The following IQGAP1 variants were observed in gnomAD, a reference collection of about 807,000 sequenced individuals.
IQGAP1 encodes ras GTPase-activating-like protein IQGAP1.
A neutral mutation model predicts 215.6 loss-of-function variants in IQGAP1; 66 were observed. The ratio of observed to expected loss-of-function variants is 0.31; its 90% confidence interval spans 0.25 to 0.38. IQGAP1 has a LOEUF of 0.38. Among genes scored for constraint, IQGAP1 ranks in the 10% least tolerant of loss-of-function variants. The pLI, the probability that IQGAP1 is intolerant of heterozygous loss-of-function variation, is 1.00. For missense variants in IQGAP1, 1,712 were observed against 1,997.1 expected, an observed-to-expected ratio of 0.86 and a Z score of 2.72; for synonymous variants, 772 against 728.7, an observed-to-expected ratio of 1.06 and a Z score of -0.96.
intron 2 of IQGAP1, among the ~76,000 whole-genome samples, chr15:90,417,039 C>T (rs1373365263): frequency 6.6e-6 from 1 of 152,170 alleles, no homozygotes; most frequent in Non-Finnish European, 1.5e-5. Context: ...ATATCCTTCC[C>T]CTACTTTGTG....
intron 2 of IQGAP1, among the ~76,000 whole-genome samples, chr15:90,392,748 C>CTTTTTTTTTTTTTTTTTTTT (rs10701656): frequency 1.7e-5 from 2 of 117,826 alleles, no homozygotes; most frequent in Admixed American, 1.0e-4. Context: ...ATGTTTCTAT[C>CTTTTTTTTTTTTTTTTTTTT]TTTTTTTTTT....
chr15:90,443,616 A>G, intron 9 of IQGAP1, 138 bp downstream of exon 9: 2 of 585,408 alleles, frequency 3.4e-6, no homozygotes, highest in Non-Finnish European at 6.1e-6. Context: ...ATTGCTTGTT[A>G]ACAATCTTTT....
chr15:90,390,985 A>G (rs1964627596), intron 2 of IQGAP1, 112 bp downstream of exon 2: 4 of 715,684 alleles, frequency 5.6e-6, no homozygotes, highest in Admixed American at 2.1e-5. Context: ...TGTAATCCCA[A>G]CACGTTGGGA....
chr15:90,448,207 G>A (rs1965551222), intron 9 of IQGAP1, among the ~76,000 whole-genome samples: 1 of 152,172 alleles, frequency 6.6e-6, no homozygotes, highest in South Asian at 2.1e-4. Context: ...CTCCTGTTTG[G>A]TAGTCTGTAA....
At position 90,484,261 on chromosome 15, in the gene IQGAP1, A is replaced by T. The variant is rs200074499; in HGVS notation, c.3830A>T (p.Asp1277Val). 3.3e-5 allele frequency: 54 copies of T among 1,613,800 alleles called. No homozygotes were observed. The highest frequency in any genetic ancestry group is 1.3e-5 in the African/African-American group (1 of 74,910). Residue 1277 changes from aspartate to valine, a missense_variant, in exon 30 of 38, where the codon GAT (aspartate) becomes GTT (valine). This residue lies in a region of IQGAP1 where 691 missense variants were observed against 923.0 expected (regional missense o/e 0.75). Coordinates refer to ENST00000268182, the MANE Select transcript of IQGAP1 (RefSeq NM_003870.4). ...QTACDVPELQ[D>V]KFNVDEYSDL... is the part of the protein sequence containing the mutation. The stretch of plus-strand genomic sequence containing the variant: ...GCTTGTGATGTCCCAGAGCTTCAGG[A>T]TAAATTTAATGTGGATGAGTACTCT...
In IQGAP1 at chr15:90,497,260, C is replaced by T; in HGVS notation, c.4780C>T (p.Pro1594Ser). The change falls in exon 37 of 38, where the codon CCA becomes TCA. Residue 1594 changes from proline to serine, a missense_variant. By Grantham distance (74) the Pro-to-Ser change is moderately conservative. This residue lies in a region of IQGAP1 where 691 missense variants were observed against 923.0 expected (regional missense o/e 0.75). Transcript: ENST00000268182. ...TAAAAATGTTATATTTGAAATCAGT[C>T]CAACAGAAGAAGTTGGAGACTTCGA... ...QFKNVIFEIS[P>S]TEEVGDFEVK... 1 of 1,603,834 alleles carries T rather than the reference C, an allele frequency of 6.2e-7. No homozygotes were observed. Among genetic ancestry groups the T allele is most frequent in the Non-Finnish European group, 8.5e-7 (1 of 1,170,922 alleles).
chr15:90,400,376 T>G (rs1964788563), intron 2 of IQGAP1, among the ~76,000 whole-genome samples: 1 of 152,230 alleles, frequency 6.6e-6, no homozygotes, highest in South Asian at 2.1e-4. Flanking sequence ...TTTGTCCTAT[T>G]GTAGTTTATA....
intron 3 of IQGAP1, among the ~76,000 whole-genome samples, 189 bp downstream of exon 3, chr15:90,426,455 A>G (rs545778900): frequency 3.9e-5 from 6 of 152,230 alleles, no homozygotes; most frequent in African/African-American, 1.4e-4. Context: ...ATATTATTAC[A>G]TCTCTTTTAG....
chr15:90,427,990 G>A (rs2036042666), intron 3 of IQGAP1, among the ~76,000 whole-genome samples: 1 of 152,136 alleles, frequency 6.6e-6, no homozygotes, highest in Non-Finnish European at 1.5e-5. Flanking sequence ...TAGGTACTCA[G>A]CCAAAATTAA....
chr15:90,399,286 T>C (rs1312899165), intron 2 of IQGAP1, among the ~76,000 whole-genome samples: 1 of 152,178 alleles, frequency 6.6e-6, no homozygotes. Flanking sequence ...AGTGGCCATC[T>C]AATGTTCATA....
rs768582075 is a variant in IQGAP1 at position 90,482,004 on chromosome 15, A to C, written c.3374A>C (p.Glu1125Ala). 6.2e-7 allele frequency: 1 copy of C among 1,614,220 alleles called. No homozygotes were observed. Among genetic ancestry groups the C allele is most frequent in the Non-Finnish European group, 8.5e-7 (1 of 1,180,032 alleles). ...ACCCCTGAGCAGGCGCTAGCTCATG[A>C]AGAAGTGAAGACACGGCTAGACAGC... ...DVTPEQALAH[E>A]EVKTRLDSSI... is the part of the protein sequence containing the mutation. The change falls in exon 27 of 38, where the codon GAA becomes GCA. Residue 1125 changes from glutamate to alanine, a missense_variant. Glu to Ala is a moderately radical substitution (Grantham distance 107). This residue lies in a region of IQGAP1 where 691 missense variants were observed against 923.0 expected (regional missense o/e 0.75). Coordinates refer to ENST00000268182, the MANE Select transcript of IQGAP1 (RefSeq NM_003870.4).
rs1402113855 is a variant in IQGAP1, at chr15:90,388,339, G to T, written c.-3G>T. On this transcript the variant is annotated 5_prime_UTR_variant, in exon 1 of 38. Coordinates refer to ENST00000268182, the MANE Select transcript of IQGAP1 (RefSeq NM_003870.4). ...CCTCAGCAGAGACTCGGGCTCGTCCGCCATGTCCGCCGCAGACGAGGTTGA... is the reference window on the plus strand; with the variant it reads ...CCTCAGCAGAGACTCGGGCTCGTCCTCCATGTCCGCCGCAGACGAGGTTGA... 1.9e-6 allele frequency: 3 copies of T among 1,595,382 alleles called. No individual in the cohort carries two copies. The highest frequency in any genetic ancestry group is 1.1e-5 in the South Asian group (1 of 90,342).
At chr15:90,419,058 A>G (rs1434854736) in intron 2 of IQGAP1, among the ~76,000 whole-genome samples, 1 of 151,438 alleles carries the variant, frequency 6.6e-6, no homozygotes, top group Non-Finnish European at 1.5e-5. Flanking sequence ...AGGTAGGAGG[A>G]TCCAGAGGAT....
Position 90,482,255 on chromosome 15 carries a change from G to A in IQGAP1, c.3529G>A (p.Asp1177Asn). 6.2e-7 allele frequency: 1 copy of A among 1,614,216 alleles called. No homozygotes were observed. The highest frequency in any genetic ancestry group is 8.5e-7 in the Non-Finnish European group (1 of 1,180,024). Residue 1177 changes from aspartate to asparagine, a missense_variant, in exon 28 of 38, where the codon GAT becomes AAT. Physicochemically the swap from Asp to Asn is conservative, Grantham distance 23. Around this residue, in one of 2 missense-constraint regions of IQGAP1, gnomAD observed 691 missense variants for 923.0 expected, o/e 0.75. Transcript: ENST00000268182. ...GGACTCGTTGCATGAGAAGTTCCCT[G>A]ATGCTGGTGAGGATGAGCTGCTGAA... The part of the protein sequence containing the change: ...LKDSLHEKFP[D>N]AGEDELLKII...
intron 18 of IQGAP1, among the ~76,000 whole-genome samples, chr15:90,468,555 G>GCATGA (rs1965863797): frequency 6.6e-6 from 1 of 152,158 alleles, no homozygotes; most frequent in Admixed American, 6.5e-5. Context: ...TTCAGGCTGG[G>GCATGA]CATGGTGGCT....
At chr15:90,399,258 T>C (rs1252227874) in intron 2 of IQGAP1, among the ~76,000 whole-genome samples, 2 of 152,162 alleles carry the variant, frequency 1.3e-5, no homozygotes, top group Non-Finnish European at 2.9e-5. Flanking sequence ...GCCTGTATTG[T>C]CTTAATTTAC....
At chr15:90,479,964 C>T (rs761389744) in intron 26 of IQGAP1, among the ~76,000 whole-genome samples, 38 of 152,224 alleles carry the variant, frequency 2.5e-4, no homozygotes, top group Admixed American at 1.8e-3. Context: ...ACACTGGCTC[C>T]GGGCTTCTCA....
At chr15:90,443,618 C>T (rs1965483312) in intron 9 of IQGAP1, 140 bp downstream of exon 9, 2 of 583,852 alleles carry the variant, frequency 3.4e-6, no homozygotes, top group South Asian at 4.8e-5. Context: ...TGCTTGTTAA[C>T]AATCTTTTGT....
At chr15:90,416,001 T>G (rs920268901) in intron 2 of IQGAP1, among the ~76,000 whole-genome samples, 2 of 152,172 alleles carry the variant, frequency 1.3e-5, no homozygotes, top group African/African-American at 4.8e-5. Flanking sequence ...TGTATTATGC[T>G]GTTCCTTTTT....
Sources: allele counts gnomAD v4.1 joint callset (sites outside exome capture counted in the v4.1 genomes callset), GRCh38; gene constraint gnomAD v4.1.1; regional missense constraint gnomAD v4.1.1; transcripts MANE v1.5; gene names NCBI Gene and HGNC (gene_info 2026-07-23, HGNC 2026-07-21).